Variants in KIAA0319 observed in about 807,000 individuals in gnomAD.
KIAA0319 encodes dyslexia-associated protein KIAA0319.
KIAA0319 carries 83 observed loss-of-function variants against 108.4 expected under a neutral mutation model. The observed-to-expected ratio is 0.77, with a 90% CI of 0.64 to 0.92. KIAA0319 has a LOEUF of 0.92. Among genes scored for constraint, KIAA0319 ranks in the 40% least tolerant of loss-of-function variants. The pLI is 0.00. For synonymous variants in KIAA0319, 484 were observed against 510.4 expected, an observed-to-expected ratio of 0.95 and a Z score of 0.70; for missense variants, 1,195 against 1,322.4, an observed-to-expected ratio of 0.90 and a Z score of 1.49.
At chr6:24,579,433 CTT>C (rs1561981823) in intron 8 of KIAA0319, among the ~76,000 whole-genome samples, 29 of 102,720 alleles carry the variant, frequency 2.8e-4, no homozygotes, top group African/African-American at 1.1e-3. Context: ...ATATATATAT[CTT>C]ATATATCTCA....
chr6:24,599,090 G>T lies in KIAA0319; in HGVS notation c.55+1959C>A. The T allele has an allele frequency of 1.4e-6, 1 of 715,542 alleles. No individual in the cohort carries two copies. Among genetic ancestry groups the T allele is most frequent in the South Asian group, 1.6e-5 (1 of 62,672 alleles). The allele number at this position is 715,542 out of a possible 1,614,324, so 44.3% of individuals were successfully genotyped here. A position where few individuals can be genotyped will look rare whatever the true frequency, so the allele number is the denominator to read the frequency against. ...AGATCTGGGACACATCTGTGGTGCT[G>T]TCCATGGACAACAGCTGGTCCCTGG... On this transcript the variant is annotated intron_variant, in intron 2 of 20. Transcript: ENST00000378214. This position sits in a 1 kb window ranked among gnomAD's most constrained non-coding sequence, Gnocchi z 4.1.
At chr6:24,605,416 G>A (rs185388043) in intron 1 of KIAA0319, among the ~76,000 whole-genome samples, 53 of 152,166 alleles carry the variant, frequency 3.5e-4, no homozygotes, top group African/African-American at 1.2e-3. Context: ...TTCAGTCTCC[G>A]AATGACCCAG....
chr6:24,576,074 A>G (rs1765450873), intron 10 of KIAA0319, among the ~76,000 whole-genome samples: 1 of 152,216 alleles, frequency 6.6e-6, no homozygotes, highest in African/African-American at 2.4e-5. Context: ...GGTTTCTCCC[A>G]ATACGAAAAT....
chr6:24,626,533 A>G (rs1220632468), intron 1 of KIAA0319, among the ~76,000 whole-genome samples: 1 of 151,898 alleles, frequency 6.6e-6, no homozygotes, highest in Non-Finnish European at 1.5e-5. Context: ...CTCGCTCTCA[A>G]AAAAAAAGGG....
intron 16 of KIAA0319, among the ~76,000 whole-genome samples, chr6:24,562,024 G>C (rs1763176650): frequency 6.6e-6 from 1 of 152,188 alleles, no homozygotes; most frequent in Non-Finnish European, 1.5e-5. Flanking sequence ...TTTTTGTGGA[G>C]ATAGCATTTC....
Position 24,601,224 on chromosome 6 carries a change from A to G in KIAA0319, c.-105-16T>C. ...GCCTCAAGAACTTCAAAGGAAAAAC[A>G]TAAAAGAGGAAGGAAGAAAAGAATA... is the stretch of plus-strand genomic sequence containing the variant. On this transcript the variant is annotated splice_polypyrimidine_tract_variant and intron_variant, in intron 1 of 20. Coordinates refer to ENST00000378214, the MANE Select transcript of KIAA0319 (RefSeq NM_014809.4). 1 of 1,538,362 alleles carries G rather than the reference A, an allele frequency of 6.5e-7. No individual in the cohort carries two copies.
chr6:24,580,550 C>T (rs1423189673), intron 7 of KIAA0319, among the ~76,000 whole-genome samples: 1 of 152,212 alleles, frequency 6.6e-6, no homozygotes, highest in Non-Finnish European at 1.5e-5. Flanking sequence ...GATGGGCATA[C>T]ATTTTCCCCT....
At chr6:24,633,598 T>C (rs62400557) in intron 1 of KIAA0319, among the ~76,000 whole-genome samples, 3 of 151,658 alleles carry the variant, frequency 2.0e-5, no homozygotes, top group Non-Finnish European at 2.9e-5. Context: ...TATTTCTATA[T>C]TTAAAAAAAA....
At position 24,620,096 on chromosome 6, in the gene KIAA0319, G is replaced by A. The variant is rs115132123; in HGVS notation, c.-105-18888C>T. On this transcript the variant is annotated intron_variant, in intron 1 of 20. Coordinates refer to ENST00000378214, the MANE Select transcript of KIAA0319 (RefSeq NM_014809.4). The stretch of plus-strand genomic sequence containing the variant: ...TCAATATATTTTGCCAATATTGGTC[G>A]GGAGTAGTGGAGTCAAGCTTCCTGA... Among the ~76,000 whole-genome samples, 1,200 of 152,250 alleles carry A rather than the reference G, an allele frequency of 7.9e-3. 15 individuals carry two copies. The highest frequency in any genetic ancestry group is 0.014 in the Middle Eastern group (4 of 294).
chr6:24,542,768 G>A (rs558849525), downstream of KIAA0319, among the ~76,000 whole-genome samples: 3 of 152,308 alleles, frequency 2.0e-5, no homozygotes, highest in East Asian at 5.8e-4. Flanking sequence ...TCACACACAT[G>A]TACTGAGTTC....
chr6:24,601,152 A>G lies in KIAA0319; in HGVS notation c.-49T>C. On this transcript the variant is annotated 5_prime_UTR_variant, in exon 2 of 21. Transcript: ENST00000378214. ...GCAGGCTTCTGAGGCGGCCCTGAAG[A>G]GAGTTTGGTGCAAGCTTCCTTTGAT... is the stretch of plus-strand genomic sequence containing the variant. 1 of 1,606,340 alleles carries G rather than the reference A, an allele frequency of 6.2e-7. No homozygotes were observed. Among genetic ancestry groups the G allele is most frequent in the Non-Finnish European group, 8.5e-7 (1 of 1,176,206 alleles).
At chr6:24,548,425 G>C (rs995285620) in intron 20 of KIAA0319, among the ~76,000 whole-genome samples, 1 of 152,162 alleles carries the variant, frequency 6.6e-6, no homozygotes, top group Non-Finnish European at 1.5e-5. Flanking sequence ...CAAATGACAC[G>C]AACTTCCTGT....
chr6:24,558,365 C>CTAGATAGATAGATAGATAGA (rs59328032), intron 17 of KIAA0319, among the ~76,000 whole-genome samples: 1 of 150,778 alleles, frequency 6.6e-6, no homozygotes, highest in East Asian at 2.0e-4. Flanking sequence ...ATATATATAT[C>CTAGATAGATAGATAGATAGA]TAGATAGATA....
intron 1 of KIAA0319, among the ~76,000 whole-genome samples, chr6:24,627,286 G>A (rs761561562): frequency 3.9e-5 from 6 of 152,182 alleles, no homozygotes; most frequent in Non-Finnish European, 8.8e-5. Flanking sequence ...GCAGAAATGC[G>A]CTGGGGATGA....
intron 5 of KIAA0319, chr6:24,582,965 G>A (rs776233926): frequency 5.1e-5 from 24 of 472,354 alleles, no homozygotes; most frequent in Non-Finnish European, 6.4e-5. Flanking sequence ...TATCATCTCT[G>A]TGTATAAAAT....
At position 24,547,198 on chromosome 6, in the gene KIAA0319, T is replaced by C; in HGVS notation, c.3186A>G (p.Gly1062=). ...KVSMNGSIRN[G]ASFSYCSKDR The stretch of plus-strand genomic sequence containing the variant: ...CCTTTGAGCAATAACTGAAGGAAGC[T>C]CCATTTCTGATGGAACCATTCATGG... The change falls in exon 21 of 21, where the codon GGA becomes GGG. Residue 1062 remains glycine (G), a synonymous_variant. Coordinates refer to ENST00000378214, the MANE Select transcript of KIAA0319 (RefSeq NM_014809.4). 1 of 1,614,148 alleles carries C rather than the reference T, an allele frequency of 6.2e-7. No homozygotes were observed. The highest frequency in any genetic ancestry group is 8.5e-7 in the Non-Finnish European group (1 of 1,179,998).
In KIAA0319 at chr6:24,581,528, T is replaced by C. The variant is rs555323969; in HGVS notation, c.1192-515A>G. On this transcript the variant is annotated intron_variant, in intron 6 of 20. Coordinates refer to ENST00000378214, the MANE Select transcript of KIAA0319 (RefSeq NM_014809.4). ...CTAGGCCAGAAAGAGGGCATGTTTC[T>C]TGTGAGTGCTTGTATCATAGAACAA... Among the ~76,000 whole-genome samples, 138 of 152,284 alleles carry C rather than the reference T, an allele frequency of 9.1e-4. 1 individual carries two copies. The highest frequency in any genetic ancestry group is 2.2e-3 in the Admixed American group (34 of 15,304).
chr6:24,616,197 A>T (rs954641099), intron 1 of KIAA0319, among the ~76,000 whole-genome samples: 1 of 152,196 alleles, frequency 6.6e-6, no homozygotes, highest in African/African-American at 2.4e-5. Flanking sequence ...AAAATTGAGG[A>T]TATTTTTAAA....
intron 1 of KIAA0319, among the ~76,000 whole-genome samples, chr6:24,645,252 A>G (rs1180822143): frequency 6.6e-6 from 1 of 152,250 alleles, no homozygotes. Context: ...ATGAGTATGT[A>G]TATCATATTT....
Sources: allele counts gnomAD v4.1 joint callset (sites outside exome capture counted in the v4.1 genomes callset), GRCh38; gene constraint gnomAD v4.1.1; non-coding constraint Gnocchi (gnomAD v3.1); transcripts MANE v1.5; gene names NCBI Gene and HGNC (gene_info 2026-07-23, HGNC 2026-07-21).